Variants in SAMD4B observed in about 807,000 individuals in gnomAD.
SAMD4B encodes the protein protein Smaug homolog 2.
SAMD4B carries 5 observed loss-of-function variants against 74.5 expected under a neutral mutation model. The ratio of observed to expected loss-of-function variants is 0.07; its 90% CI spans 0.04 to 0.14. SAMD4B has a LOEUF of 0.14. SAMD4B is among the 10% of genes least tolerant of loss of function. SAMD4B has a pLI of 1.00. For missense variants in SAMD4B, 608 were observed against 921.8 expected (o/e 0.66, Z 4.41); for synonymous variants, 373 against 374.9 (o/e 1.00, Z 0.06).
At chr19:39,344,289 C>G (rs895372247) in intron 1 of SAMD4B, among the ~76,000 whole-genome samples, 2 of 152,128 alleles carry the variant, frequency 1.3e-5, no homozygotes, top group African/African-American at 4.8e-5. Context: ...TCTCCTCTGA[C>G]ACTCTCTCAG....
downstream of SAMD4B, chr19:39,389,211 A>T: frequency 6.2e-7 from 1 of 1,612,276 alleles, no homozygotes; most frequent in Non-Finnish European, 8.5e-7. This position sits in a 1 kb window ranked among gnomAD's most constrained non-coding sequence, Gnocchi z 5.3. Flanking sequence ...AGGAATGAAG[A>T]AAAAGGTCCT....
chr19:39,389,258 C>T (rs529449562), downstream of SAMD4B: 8 of 1,609,860 alleles, frequency 5.0e-6, no homozygotes, highest in Middle Eastern at 1.6e-4. This position sits in a 1 kb window ranked among gnomAD's most constrained non-coding sequence, Gnocchi z 5.3. Flanking sequence ...CTCCACCTTC[C>T]CTCTCTTCCT....
chr19:39,373,801 A>T (rs1600571818), intron 4 of SAMD4B, among the ~76,000 whole-genome samples: 1 of 151,452 alleles, frequency 6.6e-6, no homozygotes, highest in African/African-American at 2.4e-5. Flanking sequence ...CGTCTCTACT[A>T]AAAAAATACA....
intron 1 of SAMD4B, chr19:39,352,488 G>GGA (rs1555717925): frequency 1.4e-5 from 2 of 138,858 alleles, no homozygotes; most frequent in Admixed American, 6.9e-5. Flanking sequence ...CCTCTTTAGG[G>GGA]GAAAAAAAAA....
chr19:39,348,947 A>G (rs544266666), intron 1 of SAMD4B, among the ~76,000 whole-genome samples: 44 of 152,222 alleles, frequency 2.9e-4, no homozygotes, highest in Non-Finnish European at 5.4e-4. Context: ...CTATGAGAGT[A>G]GGCACTATTA....
At chr19:39,359,802 A>G (rs911996997) in intron 3 of SAMD4B, 8 of 152,214 alleles carry the variant, frequency 5.3e-5, no homozygotes, top group African/African-American at 1.9e-4. Context: ...TCTTACAAAC[A>G]GTGATGTAAT....
chr19:39,348,626 A>C (rs1844833867), intron 1 of SAMD4B, among the ~76,000 whole-genome samples: 1 of 152,144 alleles, frequency 6.6e-6, no homozygotes. Context: ...ATTTAAGGGG[A>C]TTGGGAAACT....
At chr19:39,389,469 TACCCACTC>T, downstream of SAMD4B, 1 of 1,613,892 alleles carries the variant, frequency 6.2e-7, no homozygotes, top group Non-Finnish European at 8.5e-7. The surrounding 1 kb of genome is among the most constrained non-coding windows in gnomAD (Gnocchi z 5.3). Flanking sequence ...ACCCATTTGC[TACCCACTC>T]ACCTCTTGGA....
intron 9 of SAMD4B, among the ~76,000 whole-genome samples, chr19:39,379,761 G>A (rs544222556): frequency 1.2e-4 from 19 of 152,188 alleles, no homozygotes; most frequent in Admixed American, 3.3e-4. Context: ...AGTAGAGGTG[G>A]GGTTTCACCA....
downstream of SAMD4B, chr19:39,390,180 CA>C (rs1301276160): frequency 6.2e-7 from 1 of 1,612,900 alleles, no homozygotes; most frequent in Non-Finnish European, 8.5e-7. Context: ...ATTAGTGGCT[CA>C]AAAGTGGGCC....
rs2077931241 is a variant in SAMD4B, at chr19:39,380,849, ATTTGCCTG to A, written c.1848+66_1848+73del. ...TGGGGTGGCAGTACCTGGGATGTCT[ATTTGCCTG>A]TATACTCTGTGTCTGGACCCAGCTT... On this transcript the variant is annotated intron_variant, in intron 11 of 13. Transcript: ENST00000610417. The A allele has an allele frequency of 8.0e-6, 12 of 1,501,168 alleles. No individual in the cohort carries two copies. The South Asian group carries it at 1.6e-4, about 20-fold the overall frequency. The allele number at this position is 1,501,168 out of a possible 1,614,324, so 93.0% of individuals were successfully genotyped here. A position where few individuals can be genotyped will look rare whatever the true frequency, so the allele number is the denominator to read the frequency against.
rs1193018354 is a variant in SAMD4B, at chr19:39,375,630, T to C, written c.668-20T>C. 1.9e-6 allele frequency: 3 copies of C among 1,591,298 alleles called. No homozygotes were observed. Among genetic ancestry groups the C allele is most frequent in the South Asian group, 1.1e-5 (1 of 90,540 alleles). On this transcript the variant is annotated intron_variant, in intron 4 of 13. Transcript: ENST00000610417. The surrounding 1 kb of genome is among the most constrained non-coding windows in gnomAD (Gnocchi z 4.1). ...TGGGTCCCCAGGTCTAATATTTTGC[T>C]TTTCTCCCACTCTGGCCAGGTCTCC...
intron 7 of SAMD4B, among the ~76,000 whole-genome samples, 158 bp from the exon 8 acceptor site, chr19:39,377,327 G>A (rs1235096964): frequency 6.6e-6 from 1 of 152,092 alleles, no homozygotes; most frequent in Non-Finnish European, 1.5e-5. Flanking sequence ...GTACCTATAT[G>A]TTTGTGGGCT....
chr19:39,389,202 G>C (rs778114371), downstream of SAMD4B: 6 of 1,613,632 alleles, frequency 3.7e-6, no homozygotes, highest in Non-Finnish European at 4.2e-6. The surrounding 1 kb of genome is among the most constrained non-coding windows in gnomAD (Gnocchi z 5.3). Context: ...CCCAATCCTA[G>C]GAATGAAGAA....
downstream of SAMD4B, chr19:39,388,213 C>G: frequency 1.1e-6 from 1 of 884,356 alleles, no homozygotes; most frequent in Non-Finnish European, 1.8e-6. Flanking sequence ...CAGACATCTG[C>G]TGCTCTTGTT....
intron 1 of SAMD4B, among the ~76,000 whole-genome samples, chr19:39,345,946 C>T (rs1373585661): frequency 6.6e-6 from 1 of 152,082 alleles, no homozygotes; most frequent in Non-Finnish European, 1.5e-5. Context: ...TTTCTTTGTG[C>T]TGTTTCCTGA....
In SAMD4B at chr19:39,383,755, G is replaced by A. The variant is rs1237336857; in HGVS notation, c.*228G>A. 1.3e-6 allele frequency: 2 copies of A among 1,512,496 alleles called. No homozygotes were observed. The highest frequency in any genetic ancestry group is 2.4e-5 in the South Asian group (2 of 83,498). 93.7% of individuals were successfully genotyped at this position (1,512,496 alleles called of 1,614,324 possible). On this transcript the variant is annotated 3_prime_UTR_variant, in exon 14 of 14. Coordinates refer to ENST00000610417, the MANE Select transcript of SAMD4B (RefSeq NM_001384574.2). The surrounding 1 kb of genome is among the most constrained non-coding windows in gnomAD (Gnocchi z 4.1). Reference sequence around the variant, plus strand: ...AGGCCCGGGGAGTTGGGGGCAGCCAGGATAAAGGGGGCAGGGACTGGCCAG... The same window carrying A: ...AGGCCCGGGGAGTTGGGGGCAGCCAAGATAAAGGGGGCAGGGACTGGCCAG...
At chr19:39,362,521 A>G (rs779751245) in intron 3 of SAMD4B, among the ~76,000 whole-genome samples, 2 of 152,144 alleles carry the variant, frequency 1.3e-5, no homozygotes, top group African/African-American at 4.8e-5. Context: ...CAGAAAAGCA[A>G]TATTCCAAGG....
chr19:39,345,516 C>A (rs2075643537), intron 1 of SAMD4B, among the ~76,000 whole-genome samples: 1 of 152,202 alleles, frequency 6.6e-6, no homozygotes, highest in East Asian at 1.9e-4. Flanking sequence ...TGTTTCTTCA[C>A]ATAGGCACCC....
Sources: gnomAD v4.1 joint callset for allele counts (sites outside exome capture counted in the v4.1 genomes callset) on GRCh38, gnomAD v4.1.1 for gene constraint, Gnocchi (gnomAD v3.1) non-coding constraint, MANE v1.5 for transcripts, NCBI Gene and HGNC (gene_info 2026-07-23, HGNC 2026-07-21) for gene names.